Variants in ACVR1 observed in about 807,000 individuals in gnomAD.
The protein encoded by ACVR1 is activin receptor type-1.
ACVR1 carries 38 observed loss-of-function variants against 57.1 expected under a neutral mutation model. That is an observed-to-expected ratio of 0.67 (90% CI 0.51 to 0.87). The LOEUF (loss-of-function observed/expected upper bound fraction) is 0.87. ACVR1 is among the 40% of genes least tolerant of loss of function. ACVR1 has a pLI of 0.00. For synonymous variants in ACVR1, 212 were observed against 228.1 expected, an observed-to-expected ratio of 0.93 and a Z score of 0.63; for missense variants, 463 against 638.2, an observed-to-expected ratio of 0.73 and a Z score of 2.96.
At chr2:157,845,946 ATATAT>A (rs1363771155) in intron 1 of ACVR1, among the ~76,000 whole-genome samples, 1 of 152,240 alleles carries the variant, frequency 6.6e-6, no homozygotes, top group Non-Finnish European at 1.5e-5. Context: ...CTAGCAGGAA[ATATAT>A]AGCAGACCTT....
intron 9 of ACVR1, 140 bp downstream of exon 9, chr2:157,760,740 A>T: frequency 1.2e-6 from 1 of 804,346 alleles, no homozygotes; most frequent in Non-Finnish European, 2.0e-6. Context: ...ACCAGCCATA[A>T]ATCAAATATG....
intron 3 of ACVR1, among the ~76,000 whole-genome samples, chr2:157,781,226 G>C (rs1458231909): frequency 6.6e-6 from 1 of 152,150 alleles, no homozygotes; most frequent in Non-Finnish European, 1.5e-5. Context: ...TATCCTGGCT[G>C]AGCATCTCAA....
chr2:157,817,962 A>G (rs2105328668), intron 2 of ACVR1, among the ~76,000 whole-genome samples: 1 of 151,168 alleles, frequency 6.6e-6, no homozygotes, highest in East Asian at 1.9e-4. Context: ...AGATCACACC[A>G]CTGCACTCCA....
At chr2:157,836,337 A>C (rs1688783369) in intron 1 of ACVR1, among the ~76,000 whole-genome samples, 1 of 152,252 alleles carries the variant, frequency 6.6e-6, no homozygotes, top group African/African-American at 2.4e-5. Context: ...TACTGTGGCC[A>C]CTGGCCACTT....
rs553997937 is a variant in ACVR1, at chr2:157,800,806, A to T, written c.-7-1306T>A. Among the ~76,000 whole-genome samples, 10 of 152,202 alleles carry T rather than the reference A, an allele frequency of 6.6e-5. No individual in the cohort carries two copies. The East Asian group carries it at 1.9e-3, about 29-fold the overall frequency. ...CTTCATCTTGGCCCCTCACAACCAGAATGTGACTCCTCCAACACATCTCTG... is the reference window on the plus strand; with the variant it reads ...CTTCATCTTGGCCCCTCACAACCAGTATGTGACTCCTCCAACACATCTCTG... On this transcript the variant is annotated intron_variant, in intron 2 of 10. Transcript: ENST00000434821.
At chr2:157,856,401 C>T (rs1196885143) in intron 1 of ACVR1, among the ~76,000 whole-genome samples, 3 of 152,332 alleles carry the variant, frequency 2.0e-5, no homozygotes, top group African/African-American at 7.2e-5. Flanking sequence ...TCTCTTTCAT[C>T]ATTCTCCTTC....
At chr2:157,767,958 G>T (rs952353738) in intron 7 of ACVR1, among the ~76,000 whole-genome samples, 11 of 152,182 alleles carry the variant, frequency 7.2e-5, no homozygotes, top group Non-Finnish European at 1.2e-4. Context: ...AAAACCACAT[G>T]AAGTAAGTAG....
At chr2:157,774,366 A>AT (rs1422456286) in intron 5 of ACVR1, among the ~76,000 whole-genome samples, 179 bp from the exon 6 acceptor site, 1 of 151,958 alleles carries the variant, frequency 6.6e-6, no homozygotes, top group Non-Finnish European at 1.5e-5. Context: ...ATTGTTTTGT[A>AT]TTTTTTATTT....
At chr2:157,852,072 G>A (rs994309673) in intron 1 of ACVR1, among the ~76,000 whole-genome samples, 15 of 152,042 alleles carry the variant, frequency 9.9e-5, no homozygotes, top group Non-Finnish European at 2.1e-4. Context: ...CCTCAGGAAG[G>A]GGCTTATGAG....
chr2:157,785,405 G>A (rs1163178138), intron 3 of ACVR1, among the ~76,000 whole-genome samples: 1 of 152,152 alleles, frequency 6.6e-6, no homozygotes, highest in Non-Finnish European at 1.5e-5. Context: ...AGCACAGTTT[G>A]GCACCTCTCC....
At chr2:157,838,976 T>C (rs961155746) in intron 1 of ACVR1, among the ~76,000 whole-genome samples, 4 of 152,310 alleles carry the variant, frequency 2.6e-5, no homozygotes, top group South Asian at 2.1e-4. Context: ...TAACTATACT[T>C]AGGTTAGAAG....
chr2:157,826,829 G>C (rs1404769487), intron 1 of ACVR1, among the ~76,000 whole-genome samples: 6 of 132,516 alleles, frequency 4.5e-5, no homozygotes, highest in Non-Finnish European at 7.9e-5. Context: ...GGGGAGAGGG[G>C]AGAGGGGAGA....
At chr2:157,768,748 G>T (rs919190335) in intron 7 of ACVR1, among the ~76,000 whole-genome samples, 2 of 152,194 alleles carry the variant, frequency 1.3e-5, no homozygotes, top group Non-Finnish European at 2.9e-5. Flanking sequence ...TAGGCTGCCT[G>T]ATGTAATTTC....
intron 1 of ACVR1, among the ~76,000 whole-genome samples, chr2:157,833,946 T>C (rs1688681444): frequency 6.6e-6 from 1 of 152,208 alleles, no homozygotes; most frequent in Admixed American, 6.5e-5. Context: ...AGACAACACA[T>C]ACTAGCATGA....
intron 7 of ACVR1, among the ~76,000 whole-genome samples, chr2:157,768,538 C>T (rs1017762050): frequency 3.3e-5 from 5 of 152,144 alleles, no homozygotes; most frequent in African/African-American, 9.7e-5. Context: ...CACTAAGCCC[C>T]TTAGGTCTTA....
chr2:157,863,253 T>TCTGGC (rs1465281302), intron 1 of ACVR1, among the ~76,000 whole-genome samples: 1 of 147,634 alleles, frequency 6.8e-6, no homozygotes, highest in Non-Finnish European at 1.5e-5. Flanking sequence ...CCTCAGGTGA[T>TCTGGC]CTGGCCTCCT....
intron 7 of ACVR1, among the ~76,000 whole-genome samples, chr2:157,769,010 G>A (rs6751779): frequency 0.028 from 4,224 of 152,224 alleles, 206 homozygotes; most frequent in African/African-American, 0.095. Flanking sequence ...GTACAAAGTC[G>A]GGGAATGCAG....
chr2:157,853,619 C>A (rs765277407), intron 1 of ACVR1, among the ~76,000 whole-genome samples: 1 of 152,198 alleles, frequency 6.6e-6, no homozygotes, highest in African/African-American at 2.4e-5. Context: ...CAAATCTAAT[C>A]TGATCCTTTT....
intron 9 of ACVR1, among the ~76,000 whole-genome samples, chr2:157,744,017 C>G (rs1684872375): frequency 6.6e-6 from 1 of 152,180 alleles, no homozygotes. Flanking sequence ...CAAAGTTAAA[C>G]TAGAATCCAA....
Sources: gnomAD v4.1 joint callset for allele counts (sites outside exome capture counted in the v4.1 genomes callset) on GRCh38, gnomAD v4.1.1 for gene constraint, MANE v1.5 for transcripts, NCBI Gene and HGNC (gene_info 2026-07-23, HGNC 2026-07-21) for gene names.